SETBP1: variants seen among roughly 807,000 people sequenced by gnomAD.
SETBP1 encodes SET-binding protein.
SETBP1 carries 9 observed loss-of-function variants against 101.0 expected under a neutral mutation model. That is an observed-to-expected ratio of 0.09 (90% confidence interval 0.05 to 0.16). The LOEUF (loss-of-function observed/expected upper bound fraction) is 0.16, where lower values mean the gene tolerates loss of function less well. Among genes scored for constraint, SETBP1 ranks in the 10% least tolerant of loss-of-function variants. SETBP1 has a pLI of 1.00. For missense variants in SETBP1, 1,858 were observed against 2,033.8 expected, an observed-to-expected ratio of 0.91 and a Z score of 1.66; for synonymous variants, 818 against 788.5, an observed-to-expected ratio of 1.04 and a Z score of -0.63.
intron 1 of SETBP1, among the ~76,000 whole-genome samples, chr18:44,688,252 T>C (rs1449338082): frequency 6.6e-6 from 1 of 152,222 alleles, no homozygotes; most frequent in East Asian, 1.9e-4. Flanking sequence ...CCAATGATTT[T>C]CAGTTCTGTC....
chr18:44,882,516 T>C (rs908602365), intron 3 of SETBP1, among the ~76,000 whole-genome samples: 5 of 151,776 alleles, frequency 3.3e-5, no homozygotes, highest in African/African-American at 1.2e-4. Context: ...TTTTTTTTTT[T>C]AACCTGCCTC....
intron 1 of SETBP1, chr18:44,697,115 TGAC>T: frequency 6.6e-6 from 1 of 152,414 alleles, no homozygotes; most frequent in East Asian, 1.9e-4. Context: ...TGCTGGAATG[TGAC>T]AAGGCAAAAC....
chr18:44,848,937 A>G (rs1271312172), intron 2 of SETBP1, among the ~76,000 whole-genome samples: 1 of 152,214 alleles, frequency 6.6e-6, no homozygotes, highest in African/African-American at 2.4e-5. Context: ...CCCTGTTGTC[A>G]GTTTCCTGAC....
chr18:44,730,012 C>A (rs896233125), intron 2 of SETBP1, among the ~76,000 whole-genome samples: 1 of 152,030 alleles, frequency 6.6e-6, no homozygotes, highest in Non-Finnish European at 1.5e-5. Flanking sequence ...CTGAGTGTGA[C>A]GTGAGGTCTA....
Position 44,953,347 on chromosome 18 carries a change from C to A in SETBP1, c.4000+7C>A. On this transcript the variant is annotated splice_region_variant and intron_variant, in intron 4 of 5. Transcript: ENST00000649279. ...GACTCCTCCATGTCTCCAGGTAAGG[C>A]TGTTTTTCTTCAGAAATGGATTATC... 6.2e-7 allele frequency: 1 copy of A among 1,611,450 alleles called. No homozygotes were observed. The highest frequency in any genetic ancestry group is 8.5e-7 in the Non-Finnish European group (1 of 1,178,222).
intron 1 of SETBP1, among the ~76,000 whole-genome samples, chr18:44,693,061 C>A (rs2068960311): frequency 6.6e-6 from 1 of 152,166 alleles, no homozygotes; most frequent in African/African-American, 2.4e-5. Context: ...TGGTGTAGAG[C>A]TGCCCTTGCT....
At chr18:44,698,796 A>C (rs748291013) in intron 1 of SETBP1, among the ~76,000 whole-genome samples, 2 of 152,206 alleles carry the variant, frequency 1.3e-5, no homozygotes, top group Admixed American at 6.5e-5. Context: ...CTTGAGGAAA[A>C]AGATTGTGTT....
chr18:44,816,629 G>A (rs1009748744), intron 2 of SETBP1, among the ~76,000 whole-genome samples: 12 of 152,142 alleles, frequency 7.9e-5, no homozygotes, highest in African/African-American at 2.2e-4. Context: ...TAGCCTTTCC[G>A]TGAATGAGTC....
Position 44,951,577 on chromosome 18 carries a change from T to C in SETBP1, c.2237T>C (p.Ile746Thr), listed in dbSNP as rs1408233128. 4 of 1,613,954 alleles carry C rather than the reference T, an allele frequency of 2.5e-6. No individual in the cohort carries two copies. The highest frequency in any genetic ancestry group is 3.4e-6 in the Non-Finnish European group (4 of 1,180,020). ...PPPSEEPKTA[I>T]KHPRPVSSQP... ...CCATCCGAAGAACCCAAAACAGCCA[T>C]CAAGCACCCCAGGCCTGTTTCTAGC... Residue 746 changes from isoleucine to threonine, a missense_variant, in exon 4 of 6, where the codon ATC becomes ACC. This residue lies in a region of SETBP1 where 121 missense variants were observed against 138.0 expected (regional missense o/e 0.88). Coordinates refer to ENST00000649279, the MANE Select transcript of SETBP1 (RefSeq NM_015559.3). This position sits in a 1 kb window ranked among gnomAD's most constrained non-coding sequence, Gnocchi z 7.8.
At chr18:44,808,101 C>T (rs951171320) in intron 2 of SETBP1, among the ~76,000 whole-genome samples, 1 of 152,178 alleles carries the variant, frequency 6.6e-6, no homozygotes, top group African/African-American at 2.4e-5. Context: ...CCTGTCGTTC[C>T]AGTACCTTCC....
At chr18:44,716,250 C>T (rs1471525707) in intron 2 of SETBP1, among the ~76,000 whole-genome samples, 1 of 152,160 alleles carries the variant, frequency 6.6e-6, no homozygotes. Flanking sequence ...TCAGTGGTTG[C>T]AGCTGCTGCT....
At chr18:44,747,805 G>GT (rs2070292152) in intron 2 of SETBP1, among the ~76,000 whole-genome samples, 1 of 152,220 alleles carries the variant, frequency 6.6e-6, no homozygotes, top group South Asian at 2.1e-4. Flanking sequence ...AGCCTTTAAT[G>GT]TTAATAAGCA....
At chr18:44,717,924 G>GTC (rs1568106857) in intron 2 of SETBP1, among the ~76,000 whole-genome samples, 1 of 152,160 alleles carries the variant, frequency 6.6e-6, no homozygotes, top group African/African-American at 2.4e-5. Context: ...CTGTGTGTGT[G>GTC]TGTGTGTGCT....
chr18:44,753,924 G>C lies in SETBP1; in HGVS notation c.486+52092G>C, dbSNP rs2070439946. On this transcript the variant is annotated intron_variant, in intron 2 of 5. Transcript: ENST00000649279. ...ACCTAATTCTGGCAAAGTCTGGTTAGAGTTGGCTGTTCGAAGGTAGCTTGA... is the reference window on the plus strand; with the variant it reads ...ACCTAATTCTGGCAAAGTCTGGTTACAGTTGGCTGTTCGAAGGTAGCTTGA... Among the ~76,000 whole-genome samples, 5 of 152,348 alleles carry C rather than the reference G, an allele frequency of 3.3e-5. 1 individual carries two copies. The South Asian group carries it at 1.0e-3, about 32-fold the overall frequency.
intron 5 of SETBP1, among the ~76,000 whole-genome samples, chr18:45,048,833 G>A (rs895340463): frequency 6.6e-6 from 1 of 150,430 alleles, no homozygotes; most frequent in Non-Finnish European, 1.5e-5. Flanking sequence ...TTAGCCGGGC[G>A]CGGTGGCGGG....
intron 3 of SETBP1, among the ~76,000 whole-genome samples, chr18:44,918,181 C>T (rs950048647): frequency 6.6e-6 from 1 of 152,172 alleles, no homozygotes; most frequent in East Asian, 1.9e-4. Context: ...AAATAATAAT[C>T]CTCGGGACAG....
chr18:44,837,891 C>T (rs1034088722), intron 2 of SETBP1, among the ~76,000 whole-genome samples: 1 of 152,200 alleles, frequency 6.6e-6, no homozygotes, highest in African/African-American at 2.4e-5. Context: ...TATACAGAGA[C>T]ATATGCAAAC....
Position 44,869,288 on chromosome 18 carries a change from G to T in SETBP1, c.540+5G>T, listed in dbSNP as rs2069214186. 3.1e-6 allele frequency: 5 copies of T among 1,613,562 alleles called. No homozygotes were observed. Among genetic ancestry groups the T allele is most frequent in the Non-Finnish European group, 4.2e-6 (5 of 1,179,604 alleles). On this transcript the variant is annotated splice_donor_5th_base_variant and intron_variant, in intron 3 of 5. Transcript: ENST00000649279. ...CTCAAAGGATTTCAGCCACAGGTAAGTTCCACTGATGCTTTTAAGAAGTTT... is the reference window on the plus strand; with the variant it reads ...CTCAAAGGATTTCAGCCACAGGTAATTTCCACTGATGCTTTTAAGAAGTTT...
At chr18:44,687,255 G>T (rs965642828) in intron 1 of SETBP1, among the ~76,000 whole-genome samples, 1 of 152,200 alleles carries the variant, frequency 6.6e-6, no homozygotes, top group Non-Finnish European at 1.5e-5. Context: ...GTTTGGAGTG[G>T]TATAGAGTGT....
Sources: gnomAD v4.1 joint callset for allele counts (sites outside exome capture counted in the v4.1 genomes callset) on GRCh38, gnomAD v4.1.1 for gene constraint, gnomAD v4.1.1 regional missense constraint, Gnocchi (gnomAD v3.1) non-coding constraint, MANE v1.5 for transcripts, NCBI Gene and HGNC (gene_info 2026-07-23, HGNC 2026-07-21) for gene names.